COL13A1: variants seen among roughly 807,000 people sequenced by gnomAD.
The protein encoded by COL13A1 is collagen type XIII alpha 1 chain.
COL13A1 carries 89 observed loss-of-function variants against 130.9 expected under a neutral mutation model. That is an observed-to-expected ratio of 0.68 (90% CI 0.57 to 0.81). The LOEUF is 0.81. Among genes scored for constraint, COL13A1 ranks in the 30% least tolerant of loss-of-function variants. The pLI is 0.00. For synonymous variants in COL13A1, 402 were observed against 341.6 expected (o/e 1.18, Z -1.95); for missense variants, 879 against 934.6 (o/e 0.94, Z 0.78).
At chr10:69,862,202 GA>G (rs1485726394) in intron 2 of COL13A1, among the ~76,000 whole-genome samples, 2 of 152,180 alleles carry the variant, frequency 1.3e-5, no homozygotes, top group Admixed American at 6.5e-5. Flanking sequence ...GCTGTTCTGT[GA>G]ATAGCACTAG....
chr10:69,840,243 G>T (rs1472615986), intron 2 of COL13A1, among the ~76,000 whole-genome samples: 2 of 152,222 alleles, frequency 1.3e-5, no homozygotes, highest in Non-Finnish European at 2.9e-5. Flanking sequence ...GGTGCTGGGG[G>T]TCAGGGGCAG....
intron 39 of COL13A1, among the ~76,000 whole-genome samples, chr10:69,953,443 C>T (rs1192111087): frequency 6.6e-6 from 1 of 152,192 alleles, no homozygotes; most frequent in Non-Finnish European, 1.5e-5. Flanking sequence ...ATGCTCAAAA[C>T]TGGGCAGAAC....
chr10:69,923,366 G>T (rs1236759647), intron 23 of COL13A1, among the ~76,000 whole-genome samples: 1 of 152,246 alleles, frequency 6.6e-6, no homozygotes, highest in Non-Finnish European at 1.5e-5. Flanking sequence ...CCCCAAAGCA[G>T]ATGGCTCCTA....
At chr10:69,817,614 G>A (rs1311714310) in intron 1 of COL13A1, among the ~76,000 whole-genome samples, 1 of 152,068 alleles carries the variant, frequency 6.6e-6, no homozygotes, top group Non-Finnish European at 1.5e-5. Context: ...GTGCAGGGGT[G>A]GGGTAGGAGG....
chr10:69,916,573 A>G (rs2063945727), intron 17 of COL13A1, among the ~76,000 whole-genome samples: 1 of 152,122 alleles, frequency 6.6e-6, no homozygotes, highest in South Asian at 2.1e-4. Context: ...CCTTACTGTC[A>G]TAGACTTGGC....
intron 17 of COL13A1, among the ~76,000 whole-genome samples, chr10:69,910,392 C>A (rs956868938): frequency 6.6e-6 from 1 of 152,010 alleles, no homozygotes; most frequent in Admixed American, 6.6e-5. Context: ...ATGGGCCCCC[C>A]ACATGAGCTT....
At chr10:69,824,170 C>T (rs1251547923) in intron 2 of COL13A1, 2 of 472,136 alleles carry the variant, frequency 4.2e-6, no homozygotes, top group Non-Finnish European at 8.8e-6. Context: ...ACAATAGACA[C>T]CAGCAAGGTA....
At chr10:69,853,110 C>T (rs1245689047) in intron 2 of COL13A1, among the ~76,000 whole-genome samples, 2 of 152,224 alleles carry the variant, frequency 1.3e-5, no homozygotes, top group Non-Finnish European at 2.9e-5. Flanking sequence ...CTGGTCTCCC[C>T]AGGGTGCCCC....
Position 69,923,862 on chromosome 10 carries a change from A to T in COL13A1, c.1284+7A>T. The T allele has an allele frequency of 6.2e-7, 1 of 1,611,466 alleles. No individual in the cohort carries two copies. The highest frequency in any genetic ancestry group is 8.5e-7 in the Non-Finnish European group (1 of 1,179,048). On this transcript the variant is annotated splice_region_variant and intron_variant, in intron 24 of 40. Transcript: ENST00000645393. ...AGGGCAGCCAGGAGACAAGGTACAG[A>T]GACCCCCACATCCCAGAGCTGCAAG...
intron 17 of COL13A1, among the ~76,000 whole-genome samples, chr10:69,915,023 C>T (rs1032143098): frequency 1.3e-5 from 2 of 152,272 alleles, no homozygotes; most frequent in African/African-American, 2.4e-5. Context: ...GACGGAACAT[C>T]AGTCCATCTG....
rs748329387 is a variant in COL13A1, at chr10:69,928,923, C to A, written c.1423-14C>A. ...TGGGACAGTTCTTCCATGTGTCTTT[C>A]CTTTCTCTCCTAGGGGCCTCCTGGT... is the stretch of plus-strand genomic sequence containing the variant. On this transcript the variant is annotated splice_polypyrimidine_tract_variant and intron_variant, in intron 27 of 40. Coordinates refer to ENST00000645393, the MANE Select transcript of COL13A1 (RefSeq NM_001368882.1). 6.2e-6 allele frequency: 10 copies of A among 1,609,998 alleles called. No individual in the cohort carries two copies. In the South Asian group the frequency reaches 1.1e-4, roughly 18 times the overall value.
At chr10:69,909,466 A>G (rs549211472) in intron 17 of COL13A1, among the ~76,000 whole-genome samples, 7 of 152,304 alleles carry the variant, frequency 4.6e-5, no homozygotes, top group Non-Finnish European at 1.0e-4. Context: ...AGTAGGTGCC[A>G]CTGGAGCCAC....
chr10:69,952,358 T>A (rs113441663), intron 38 of COL13A1, among the ~76,000 whole-genome samples: 3 of 152,214 alleles, frequency 2.0e-5, no homozygotes, highest in African/African-American at 7.2e-5. Flanking sequence ...CATACATACA[T>A]ATACACACAT....
In COL13A1 at chr10:69,941,041, A is replaced by G; in HGVS notation, c.1914+18A>G. On this transcript the variant is annotated intron_variant, in intron 35 of 40. Transcript: ENST00000645393. ...GGCCACCGGTGAGTGTCACTTCTCC[A>G]TCACCCCTCACCCCACTCCACTCCA... 1 of 1,613,542 alleles carries G rather than the reference A, an allele frequency of 6.2e-7. No individual in the cohort carries two copies. The highest frequency in any genetic ancestry group is 8.5e-7 in the Non-Finnish European group (1 of 1,179,768).
At chr10:69,876,575 C>T (rs1191614578) in intron 5 of COL13A1, among the ~76,000 whole-genome samples, 1 of 152,202 alleles carries the variant, frequency 6.6e-6, no homozygotes, top group Non-Finnish European at 1.5e-5. Flanking sequence ...GGAATTGCTG[C>T]CCGGCCCTGT....
rs760966596 is a variant in COL13A1 at position 69,872,207 on chromosome 10, C to G, written c.396C>G (p.Leu132=). Residue 132 remains leucine (L), a synonymous_variant, in exon 4 of 41, where the codon CTC becomes CTG. Transcript: ENST00000645393. ...GPPGPTGRPG[L]PGDKGAIGMP... is the part of the protein sequence containing the mutation. Reference sequence around the variant, plus strand: ...AGGGTCCCACTGGAAGACCCGGACTCCCAGTAAGTCACTTTTGTTTCTTCT... The same window carrying G: ...AGGGTCCCACTGGAAGACCCGGACTGCCAGTAAGTCACTTTTGTTTCTTCT... The G allele has an allele frequency of 6.2e-7, 1 of 1,613,944 alleles. No homozygotes were observed. Among genetic ancestry groups the G allele is most frequent in the Non-Finnish European group, 8.5e-7 (1 of 1,179,910 alleles).
intron 21 of COL13A1, among the ~76,000 whole-genome samples, chr10:69,921,231 G>C (rs997738540): frequency 6.6e-6 from 1 of 152,108 alleles, no homozygotes; most frequent in African/African-American, 2.4e-5. Context: ...GCTTATAGAC[G>C]TATCACCCCA....
Position 69,862,453 on chromosome 10 carries a change from G to A in COL13A1, c.365-5345G>A, listed in dbSNP as rs138949552. Among the ~76,000 whole-genome samples the A allele has an allele frequency of 9.8e-5, 15 of 152,290 alleles. No individual in the cohort carries two copies. The East Asian group carries it at 2.7e-3, about 27-fold the overall frequency. Reference sequence around the variant, plus strand: ...CTAGAAACTCAGGGTTTGGGCCATAGGGCTGTACGTGACAGGGCTTGAGTG... The same window carrying A: ...CTAGAAACTCAGGGTTTGGGCCATAAGGCTGTACGTGACAGGGCTTGAGTG... On this transcript the variant is annotated intron_variant, in intron 2 of 40. Coordinates refer to ENST00000645393, the MANE Select transcript of COL13A1 (RefSeq NM_001368882.1).
Position 69,802,369 on chromosome 10 carries a change from C to T in COL13A1, c.-55C>T. The T allele has an allele frequency of 7.2e-7, 1 of 1,396,522 alleles. No individual in the cohort carries two copies. The highest frequency in any genetic ancestry group is 1.6e-5 in the South Asian group (1 of 61,734). The allele number at this position is 1,396,522 out of a possible 1,614,324, so 86.5% of individuals were successfully genotyped here. ...TTTGGATAGAGCCTTTTGGCAGCGG[C>T]TGTCGCCTTTATTTATTCTATTTAT... On this transcript the variant is annotated 5_prime_UTR_variant, in exon 1 of 41. Transcript: ENST00000645393.
Sources: gnomAD v4.1 joint callset for allele counts (sites outside exome capture counted in the v4.1 genomes callset) on GRCh38, gnomAD v4.1.1 for gene constraint, MANE v1.5 for transcripts, NCBI Gene and HGNC (gene_info 2026-07-23, HGNC 2026-07-21) for gene names.